Variants in PIR observed in about 807,000 individuals in gnomAD.
The protein encoded by PIR is pirin (iron-binding nuclear protein).
In PIR, 22 loss-of-function variants were observed where a neutral mutation model predicts 24.2. That is an observed-to-expected ratio of 0.91 (90% confidence interval 0.65 to 1.30). The LOEUF (loss-of-function observed/expected upper bound fraction) is 1.30, where lower values mean the gene tolerates loss of function less well. PIR is among the 50% of genes most tolerant of loss of function. The pLI is 0.00. For synonymous variants in PIR, 80 were observed against 79.6 expected, an observed-to-expected ratio of 1.00 and a Z score of -0.03; for missense variants, 220 against 220.3, an observed-to-expected ratio of 1.00 and a Z score of 0.01.
intron 9 of PIR, among the ~76,000 whole-genome samples, chrX:15,387,012 G>T (rs1449416466): frequency 9.3e-6 from 1 of 107,398 alleles, no homozygotes; most frequent in East Asian, 2.9e-4. Flanking sequence ...GACGTGGGAG[G>T]CTTTGGATGG....
Position 15,464,590 on chromosome X carries a change from T to C in PIR, c.190-4850A>G, listed in dbSNP as rs779376415. 5.4e-5 allele frequency among the ~76,000 whole-genome samples: 6 copies of C among 111,909 alleles called. No individual in the cohort carries two copies. The East Asian group carries it at 1.4e-3, about 26-fold the overall frequency. On this transcript the variant is annotated intron_variant, in intron 3 of 9. Coordinates refer to ENST00000380420, the MANE Select transcript of PIR (RefSeq NM_001018109.3). ...ACAATGCAGCTCCGACTTTAACATG[T>C]GTTACTGTGTGGAAAAGACCTGCAT...
intron 3 of PIR, among the ~76,000 whole-genome samples, chrX:15,472,186 A>G (rs947275477): frequency 8.9e-6 from 1 of 112,292 alleles, no homozygotes; most frequent in Non-Finnish European, 1.9e-5. Context: ...TGCGAAGAAG[A>G]AATTTTGAAA....
At chrX:15,424,261 A>C (rs947794658) in intron 6 of PIR, among the ~76,000 whole-genome samples, 10 of 112,346 alleles carry the variant, frequency 8.9e-5, no homozygotes, top group African/African-American at 3.2e-4. Flanking sequence ...TGTCATCTGC[A>C]GCAACCTGGA....
At chrX:15,492,610 C>T (rs1923222318) in intron 1 of PIR, among the ~76,000 whole-genome samples, 1 of 112,057 alleles carries the variant, frequency 8.9e-6, no homozygotes, top group Non-Finnish European at 1.9e-5. Context: ...AGGTTTGCAT[C>T]TCAGCTTCAC....
intron 5 of PIR, 101 bp from the exon 6 acceptor site, chrX:15,426,091 T>C: frequency 3.9e-6 from 2 of 516,636 alleles, no homozygotes; most frequent in Non-Finnish European, 6.7e-6. Context: ...GGATCCATTA[T>C]ATATATAGTT....
At chrX:15,438,434 C>T (rs188843022) in intron 5 of PIR, among the ~76,000 whole-genome samples, 285 of 112,293 alleles carry the variant, frequency 2.5e-3, no homozygotes, top group African/African-American at 7.9e-3. Context: ...TGGTGAAGGA[C>T]CTATGTGAGC....
chrX:15,392,163 G>A (rs371231646), intron 8 of PIR, among the ~76,000 whole-genome samples: 2 of 111,067 alleles, frequency 1.8e-5, no homozygotes, highest in Non-Finnish European at 3.8e-5. Flanking sequence ...CAGAGAAACC[G>A]GCATTAGAAC....
intron 5 of PIR, among the ~76,000 whole-genome samples, chrX:15,439,579 T>C (rs1925850294): frequency 9.0e-6 from 1 of 111,603 alleles, no homozygotes; most frequent in Non-Finnish European, 1.9e-5. Flanking sequence ...AGATTTGCTG[T>C]CAGTAAAGAC....
At chrX:15,401,213 T>C (rs1338621538) in intron 7 of PIR, among the ~76,000 whole-genome samples, 1 of 108,246 alleles carries the variant, frequency 9.2e-6, no homozygotes, top group East Asian at 2.8e-4. Flanking sequence ...CTACCATGCC[T>C]AGCTAATTAA....
At chrX:15,434,146 A>AAGGAGAAAGAAGAAGG (rs1233323988) in intron 5 of PIR, among the ~76,000 whole-genome samples, 2 of 91,960 alleles carry the variant, frequency 2.2e-5, no homozygotes, top group African/African-American at 4.1e-5. Flanking sequence ...GAGGAGGAGG[A>AAGGAGAAAGAAGAAGG]AGGAGAAAGA....
intron 5 of PIR, among the ~76,000 whole-genome samples, chrX:15,454,350 G>A: frequency 9.0e-6 from 1 of 110,712 alleles, no homozygotes; most frequent in Admixed American, 9.6e-5. Flanking sequence ...GTCTGCCAGG[G>A]GTGTGGACAG....
At chrX:15,396,115 G>C (rs1400325937) in intron 8 of PIR, among the ~76,000 whole-genome samples, 1 of 112,311 alleles carries the variant, frequency 8.9e-6, no homozygotes, top group Non-Finnish European at 1.9e-5. Context: ...ATATTAGTAG[G>C]TTCTGGCCTA....
chrX:15,459,914 T>TAA (rs56263338), intron 3 of PIR, among the ~76,000 whole-genome samples, 174 bp from the exon 4 acceptor site: 23 of 95,380 alleles, frequency 2.4e-4, no homozygotes, highest in South Asian at 5.0e-4. Flanking sequence ...GCCTTTTCAT[T>TAA]AAAAAAAAAA....
intron 3 of PIR, among the ~76,000 whole-genome samples, chrX:15,462,586 A>G (rs1402694126): frequency 8.9e-6 from 1 of 112,401 alleles, no homozygotes; most frequent in African/African-American, 3.2e-5. Context: ...ACAAGCACTC[A>G]TCGAATAAGT....
chrX:15,387,073 CTTTTTTTTTT>C (rs764572854), intron 9 of PIR, among the ~76,000 whole-genome samples: 1 of 12,696 alleles, frequency 7.9e-5, no homozygotes, highest in Non-Finnish European at 1.5e-4. Context: ...CTTTTCTTTT[CTTTTTTTTTT>C]TTTTTTTTTT....
chrX:15,454,480 A>AAAAAAAAC (rs1272414977), intron 5 of PIR, among the ~76,000 whole-genome samples: 1 of 109,731 alleles, frequency 9.1e-6, no homozygotes, highest in Non-Finnish European at 1.9e-5. Flanking sequence ...AGGTAAAAAA[A>AAAAAAAAC]AAAAAAACAA....
intron 2 of PIR, among the ~76,000 whole-genome samples, chrX:15,486,290 C>A (rs1922809371): frequency 1.5e-4 from 2 of 13,456 alleles, no homozygotes; most frequent in Non-Finnish European, 1.2e-4. Flanking sequence ...CAGAGTGAGA[C>A]TCTGTCTCAA....
intron 5 of PIR, among the ~76,000 whole-genome samples, chrX:15,438,047 C>A (rs1326208785): frequency 1.8e-5 from 2 of 112,586 alleles, no homozygotes; most frequent in Admixed American, 9.4e-5. Flanking sequence ...CCACATCAAC[C>A]CATCTAAATA....
chrX:15,413,007 C>T (rs189894641), intron 6 of PIR, among the ~76,000 whole-genome samples: 2 of 112,151 alleles, frequency 1.8e-5, no homozygotes, highest in African/African-American at 3.2e-5. Flanking sequence ...GTGATGAACA[C>T]AGTCTAATGA....
Sources: allele counts gnomAD v4.1 joint callset (sites outside exome capture counted in the v4.1 genomes callset), GRCh38; gene constraint gnomAD v4.1.1; transcripts MANE v1.5; gene names NCBI Gene and HGNC (gene_info 2026-07-23, HGNC 2026-07-21).